Variants in NCAPD3 observed in about 807,000 individuals in gnomAD.
NCAPD3 encodes condensin-2 complex subunit D3.
In NCAPD3, 105 loss-of-function variants were observed where a neutral mutation model predicts 182.9. The observed-to-expected ratio is 0.57, with a 90% confidence interval of 0.49 to 0.68. The LOEUF (loss-of-function observed/expected upper bound fraction) is 0.68, where lower values mean the gene tolerates loss of function less well. Among genes scored for constraint, NCAPD3 ranks in the 30% least tolerant of loss-of-function variants. The pLI is 0.00. For missense variants in NCAPD3, 1,944 were observed against 1,837.0 expected, an observed-to-expected ratio of 1.06 and a Z score of -1.07; for synonymous variants, 815 against 679.9, an observed-to-expected ratio of 1.20 and a Z score of -3.09.
rs965180912 is a variant in NCAPD3, at chr11:134,165,166, A to T, written c.3573+2830T>A. 4.9e-5 allele frequency among the ~76,000 whole-genome samples: 7 copies of T among 141,920 alleles called. No homozygotes were observed. The South Asian group carries it at 1.4e-3, about 29-fold the overall frequency. The allele number at this position is 141,920 out of a possible 152,430, so 93.1% of individuals were successfully genotyped here. A position where few individuals can be genotyped will look rare whatever the true frequency, so the allele number is the denominator to read the frequency against. ...GCACACTCACTTGTGAGATGAGCTGAGGAGGAGCTGCACACTTGTGAGATG... is the reference window on the plus strand; with the variant it reads ...GCACACTCACTTGTGAGATGAGCTGTGGAGGAGCTGCACACTTGTGAGATG... On this transcript the variant is annotated intron_variant, in intron 27 of 34. Coordinates refer to ENST00000534548, the MANE Select transcript of NCAPD3 (RefSeq NM_015261.3).
chr11:134,174,102 A>T (rs1181624375), intron 24 of NCAPD3, among the ~76,000 whole-genome samples: 3 of 152,082 alleles, frequency 2.0e-5, no homozygotes, highest in Non-Finnish European at 4.4e-5. Flanking sequence ...CACACGAAAA[A>T]ACGTATTGCC....
At chr11:134,224,035 T>C (rs1343974757), upstream of NCAPD3, 11 of 1,335,850 alleles carry the variant, frequency 8.2e-6, no homozygotes, top group East Asian at 2.5e-4. Flanking sequence ...AATTTCCCAC[T>C]GGCCAACCAC....
chr11:134,165,903 ACT>A (rs1220484402), intron 27 of NCAPD3, among the ~76,000 whole-genome samples: 2 of 107,156 alleles, frequency 1.9e-5, no homozygotes, highest in African/African-American at 3.8e-5. Context: ...GGAGGGGCAC[ACT>A]CACTAGTGAG....
At chr11:134,221,922 A>G (rs1049983272) in intron 1 of NCAPD3, among the ~76,000 whole-genome samples, 2 of 152,226 alleles carry the variant, frequency 1.3e-5, no homozygotes, top group Admixed American at 1.3e-4. Context: ...GCCTGAAAGA[A>G]GATCTGAAAA....
At chr11:134,154,484 C>CA (rs1488917606) in intron 32 of NCAPD3, among the ~76,000 whole-genome samples, 47 of 149,992 alleles carry the variant, frequency 3.1e-4, no homozygotes, top group African/African-American at 1.1e-3. Context: ...TGCACCCCCC[C>CA]CCCCACCGCC....
chr11:134,188,439 G>A (rs1297292004), intron 16 of NCAPD3, among the ~76,000 whole-genome samples: 2 of 152,194 alleles, frequency 1.3e-5, no homozygotes, highest in Non-Finnish European at 2.9e-5. Flanking sequence ...GGGTCCCCTT[G>A]CACGCTGTGG....
chr11:134,179,977 A>G (rs1944259357), intron 20 of NCAPD3, among the ~76,000 whole-genome samples: 1 of 151,960 alleles, frequency 6.6e-6, no homozygotes, highest in Non-Finnish European at 1.5e-5. Context: ...CTCTCCATAT[A>G]TATTTTGACT....
intron 27 of NCAPD3, among the ~76,000 whole-genome samples, chr11:134,165,973 T>C (rs1213556963): frequency 1.0e-5 from 1 of 96,202 alleles, no homozygotes; most frequent in Admixed American, 1.2e-4. Context: ...AGGGGCACAC[T>C]CAGTGAGATG....
intron 14 of NCAPD3, 22 bp from the exon 15 acceptor site, chr11:134,194,172 T>A: frequency 6.2e-7 from 1 of 1,610,742 alleles, no homozygotes; most frequent in Non-Finnish European, 8.5e-7. Context: ...AGACGCAACA[T>A]GAACTGTTAA....
chr11:134,165,511 A>T (rs1253745320), intron 27 of NCAPD3, among the ~76,000 whole-genome samples: 3 of 137,844 alleles, frequency 2.2e-5, no homozygotes, highest in Non-Finnish European at 4.6e-5. Context: ...AGCTTACGGG[A>T]GCAGCACACT....
intron 24 of NCAPD3, among the ~76,000 whole-genome samples, chr11:134,170,790 C>G (rs1943988383): frequency 6.6e-6 from 1 of 152,210 alleles, no homozygotes; most frequent in South Asian, 2.1e-4. Context: ...GATTCACACG[C>G]TGAGGGCTGA....
At chr11:134,219,400 G>C (rs1302144423) in intron 2 of NCAPD3, among the ~76,000 whole-genome samples, 1 of 152,196 alleles carries the variant, frequency 6.6e-6, no homozygotes, top group Admixed American at 6.5e-5. Context: ...GTGGCTGCTA[G>C]ACCTACTTTG....
rs1944816174 is a variant in NCAPD3 at position 134,204,790 on chromosome 11, T to C, written c.1089+109A>G. ...TAAATAAAACCACTTTAAGTAACAATGCACACTCATTCCCAAGAACAAATA... is the reference window on the plus strand; with the variant it reads ...TAAATAAAACCACTTTAAGTAACAACGCACACTCATTCCCAAGAACAAATA... On this transcript the variant is annotated intron_variant, in intron 9 of 34. Transcript: ENST00000534548. This position sits in a 1 kb window ranked among gnomAD's most constrained non-coding sequence, Gnocchi z 4.3. The C allele has an allele frequency of 3.6e-6, 3 of 832,440 alleles. No individual in the cohort carries two copies. Among genetic ancestry groups the C allele is most frequent in the South Asian group, 3.8e-5 (2 of 51,950 alleles). 51.6% of individuals were successfully genotyped at this position (832,440 alleles called of 1,614,324 possible).
rs190952098 is a variant in NCAPD3 at position 134,153,383 on chromosome 11, C to T, written c.4253-20G>A. The T allele has an allele frequency of 7.4e-3, 11,922 of 1,613,524 alleles. 77 individuals are homozygous for T. The highest frequency in any genetic ancestry group is 8.9e-3 in the Non-Finnish European group (10,465 of 1,179,568). On this transcript the variant is annotated intron_variant, in intron 32 of 34. Coordinates refer to ENST00000534548, the MANE Select transcript of NCAPD3 (RefSeq NM_015261.3). ...TGCTCTCTGCATAAAGAGGAGACAC[C>T]ACTGAGTGAAAGCCGCGTGGTCTAT... is the stretch of plus-strand genomic sequence containing the variant.
intron 16 of NCAPD3, chr11:134,185,944 G>T: frequency 7.2e-6 from 1 of 139,074 alleles, no homozygotes; most frequent in Non-Finnish European, 1.5e-5. Context: ...GTCTCGCTCT[G>T]TCGCCCAGGC....
rs558742794 is a variant in NCAPD3 at position 134,150,529 on chromosome 11, G to T, written c.*2415C>A. 1 of 152,266 alleles carries T rather than the reference G, an allele frequency of 6.6e-6. No homozygotes were observed. Among genetic ancestry groups the T allele is most frequent in the Non-Finnish European group, 1.5e-5 (1 of 68,050 alleles). 9.4% of individuals were successfully genotyped at this position (152,266 alleles called of 1,614,324 possible). On this transcript the variant is annotated 3_prime_UTR_variant, in exon 35 of 35. Transcript: ENST00000534548. ...CTTGCTTCATCCAGCACAGCTCTCAGGTGGGCACTGCAGGGACACTGGTGT... is the reference window on the plus strand; with the variant it reads ...CTTGCTTCATCCAGCACAGCTCTCATGTGGGCACTGCAGGGACACTGGTGT...
chr11:134,178,653 T>C lies in NCAPD3; in HGVS notation c.2763A>G (p.Ala921=). ...RGSVMPSVIR[A]HAIITLGKLC... is the part of the protein sequence containing the mutation. ...TCTTACCTAAGGTAATGATGGCATG[T>C]GCTCTAATCACAGAGGGCATGACAG... Residue 921 remains alanine, a synonymous_variant, in exon 22 of 35, where the codon GCA becomes GCG. Transcript: ENST00000534548. The C allele has an allele frequency of 1.3e-6, 2 of 1,566,466 alleles. No homozygotes were observed. Among genetic ancestry groups the C allele is most frequent in the Non-Finnish European group, 1.7e-6 (2 of 1,154,818 alleles).
intron 3 of NCAPD3, among the ~76,000 whole-genome samples, chr11:134,216,551 A>G (rs1026942701): frequency 6.6e-6 from 1 of 151,700 alleles, no homozygotes; most frequent in African/African-American, 2.4e-5. Flanking sequence ...CTATTTTTCA[A>G]TACCAACATC....
Position 134,184,953 on chromosome 11 carries a change from A to G in NCAPD3, c.2285T>C (p.Ile762Thr), listed in dbSNP as rs367626931. The G allele has an allele frequency of 2.9e-5, 47 of 1,613,838 alleles. No individual in the cohort carries two copies. The highest frequency in any genetic ancestry group is 3.3e-4 in the Middle Eastern group (2 of 6,084). The part of the protein sequence containing the change: ...SNTLGHILCV[I>T]GHIAKHLPKS... The stretch of plus-strand genomic sequence containing the variant: ...AGGAAGATGCTTTGCAATATGCCCA[A>G]TCACACAGAGAATATGTCCTAAGGT... Residue 762 changes from isoleucine (I) to threonine (T), a missense_variant, in exon 18 of 35, where the codon ATT (isoleucine) becomes ACT (threonine). By Grantham distance (89) the Ile-to-Thr change is moderately conservative (BLOSUM62 -1). This residue lies in a region of NCAPD3 where 1,803 missense variants were observed against 1,674.6 expected (regional missense o/e 1.08). Transcript: ENST00000534548.
Sources: gnomAD v4.1 joint callset for allele counts (sites outside exome capture counted in the v4.1 genomes callset) on GRCh38, gnomAD v4.1.1 for gene constraint, gnomAD v4.1.1 regional missense constraint, Gnocchi (gnomAD v3.1) non-coding constraint, MANE v1.5 for transcripts, NCBI Gene and HGNC (gene_info 2026-07-23, HGNC 2026-07-21) for gene names.